The following TAFA2 variants were observed in gnomAD, a reference collection of about 807,000 sequenced individuals.
The protein encoded by TAFA2 is TAFA chemokine like family member 2, also known as chemokine-like protein TAFA-2.
Under a neutral mutation model 18.8 loss-of-function variants are expected in TAFA2, and 7 were observed. The ratio of observed to expected loss-of-function variants is 0.37; its 90% CI spans 0.21 to 0.70. TAFA2 has a LOEUF of 0.70. Ranked by LOEUF, TAFA2 falls within the 30% of genes least tolerant of loss-of-function variation. The pLI is 0.53. For synonymous variants in TAFA2, 60 were observed against 54.2 expected, an observed-to-expected ratio of 1.11 and a Z score of -0.47; for missense variants, 122 against 158.1, an observed-to-expected ratio of 0.77 and a Z score of 1.23.
intron 1 of TAFA2, among the ~76,000 whole-genome samples, chr12:62,019,445 A>T (rs1467379784): frequency 2.1e-5 from 3 of 146,326 alleles, no homozygotes; most frequent in Non-Finnish European, 3.0e-5. Flanking sequence ...GATAGACTGG[A>T]TTAAGAAAAT....
chr12:61,877,916 T>TACAC (rs201803041), intron 1 of TAFA2, among the ~76,000 whole-genome samples: 2,889 of 57,790 alleles, frequency 0.05, 55 homozygotes, highest in East Asian at 0.18. Flanking sequence ...TATATATATA[T>TACAC]ATATATATAC....
At chr12:61,872,849 C>T (rs563428107) in intron 1 of TAFA2, among the ~76,000 whole-genome samples, 2 of 140,270 alleles carry the variant, frequency 1.4e-5, no homozygotes, top group Non-Finnish European at 3.2e-5. Context: ...TCCAGAGAGA[C>T]CCACCCTGCA....
intron 1 of TAFA2, among the ~76,000 whole-genome samples, chr12:61,942,301 G>T (rs1391656376): frequency 6.8e-6 from 1 of 147,364 alleles, no homozygotes; most frequent in African/African-American, 2.5e-5. Context: ...AAACCCATCT[G>T]TACATCACCA....
chr12:61,830,680 C>T (rs1014748236), intron 2 of TAFA2, among the ~76,000 whole-genome samples: 3 of 151,768 alleles, frequency 2.0e-5, no homozygotes, highest in Non-Finnish European at 4.4e-5. Flanking sequence ...GCACTAAATG[C>T]CCAGACTTAT....
At chr12:62,175,480 TG>T (rs2062506351) in intron 1 of TAFA2, among the ~76,000 whole-genome samples, 1 of 152,226 alleles carries the variant, frequency 6.6e-6, no homozygotes, top group African/African-American at 2.4e-5. Context: ...GCCTAGTCAT[TG>T]CTCTGATTAT....
At chr12:61,728,521 G>C (rs1047438141) in intron 4 of TAFA2, among the ~76,000 whole-genome samples, 1 of 151,798 alleles carries the variant, frequency 6.6e-6, no homozygotes, top group African/African-American at 2.4e-5. Context: ...TTTAAAGTCT[G>C]TTTTGTCTGA....
chr12:62,081,739 C>A (rs537581891), intron 1 of TAFA2, among the ~76,000 whole-genome samples: 174 of 152,228 alleles, frequency 1.1e-3, no homozygotes, highest in African/African-American at 3.7e-3. Flanking sequence ...CCCGCCTCAG[C>A]CTCCCAAAGT....
chr12:62,181,774 A>G (rs2062553122), intron 1 of TAFA2, among the ~76,000 whole-genome samples: 1 of 152,232 alleles, frequency 6.6e-6, no homozygotes, highest in Non-Finnish European at 1.5e-5. Flanking sequence ...GACATTAGCC[A>G]AACTGGCTTA....
chr12:61,956,684 G>C (rs1878708024), intron 1 of TAFA2, among the ~76,000 whole-genome samples: 1 of 149,532 alleles, frequency 6.7e-6, no homozygotes, highest in Non-Finnish European at 1.5e-5. Flanking sequence ...TACTGTATTA[G>C]CACATTTAAT....
intron 1 of TAFA2, among the ~76,000 whole-genome samples, chr12:61,956,551 A>G (rs1167474057): frequency 6.6e-6 from 1 of 151,576 alleles, no homozygotes; most frequent in African/African-American, 2.4e-5. Flanking sequence ...AAAAATCTGA[A>G]GTTTTGTTTT....
intron 1 of TAFA2, among the ~76,000 whole-genome samples, chr12:61,900,537 G>A (rs1876052096): frequency 6.6e-6 from 1 of 152,162 alleles, no homozygotes; most frequent in Non-Finnish European, 1.5e-5. Flanking sequence ...CATACTGGAG[G>A]GGAAAGCAAA....
intron 1 of TAFA2, among the ~76,000 whole-genome samples, chr12:62,245,655 A>G (rs1256636803): frequency 6.8e-6 from 1 of 147,682 alleles, no homozygotes; most frequent in African/African-American, 2.4e-5. Context: ...ATTTTATAGA[A>G]TATACATTAA....
At position 61,976,450 on chromosome 12, in the gene TAFA2, C is replaced by T. The variant is rs76511910; in HGVS notation, c.-1-109024G>A. On this transcript the variant is annotated intron_variant, in intron 1 of 4. Coordinates refer to ENST00000416284, the MANE Select transcript of TAFA2 (RefSeq NM_178539.5). ...AAAAACAATTTTATAATGAACTCTC[C>T]TAACAAATAAAAACAAACACACACA... 8.1e-3 allele frequency among the ~76,000 whole-genome samples: 1,236 copies of T among 151,988 alleles called. 15 individuals are homozygous for T. The highest frequency in any genetic ancestry group is 0.029 in the African/African-American group (1,195 of 41,498).
chr12:62,076,626 T>C (rs1430748682), intron 1 of TAFA2, among the ~76,000 whole-genome samples: 2 of 152,134 alleles, frequency 1.3e-5, no homozygotes, highest in Non-Finnish European at 2.9e-5. Context: ...CCAGGAGCAT[T>C]CTTCACCCTG....
chr12:61,856,328 G>C (rs1483718998), intron 2 of TAFA2, among the ~76,000 whole-genome samples: 4 of 151,908 alleles, frequency 2.6e-5, no homozygotes, highest in Non-Finnish European at 5.9e-5. Context: ...TAAAAACAGT[G>C]TCTACTAATA....
intron 1 of TAFA2, among the ~76,000 whole-genome samples, chr12:62,218,291 C>T (rs545822522): frequency 2.6e-5 from 4 of 152,094 alleles, no homozygotes; most frequent in African/African-American, 7.2e-5. Context: ...GCCACTGCAC[C>T]TGGCCTGAAT....
intron 1 of TAFA2, among the ~76,000 whole-genome samples, chr12:61,943,768 T>A (rs1411415501): frequency 7.0e-6 from 1 of 142,648 alleles, no homozygotes; most frequent in Non-Finnish European, 1.5e-5. Context: ...CCTAAATATA[T>A]ATGCACCCAA....
intron 1 of TAFA2, chr12:62,070,299 G>C (rs1033592284): frequency 2.0e-5 from 3 of 152,122 alleles, no homozygotes; most frequent in African/African-American, 4.8e-5. Context: ...AGAAAAGTCT[G>C]TGTGTGTGTA....
chr12:61,924,867 G>A (rs1054539551), intron 1 of TAFA2, among the ~76,000 whole-genome samples: 21 of 152,124 alleles, frequency 1.4e-4, no homozygotes. Context: ...GACACACATA[G>A]GCTCAAAATA....
Sources: allele counts gnomAD v4.1 joint callset (sites outside exome capture counted in the v4.1 genomes callset), GRCh38; gene constraint gnomAD v4.1.1; transcripts MANE v1.5; gene names NCBI Gene and HGNC (gene_info 2026-07-23, HGNC 2026-07-21).